SAMMSON: variants seen among roughly 807,000 people sequenced by gnomAD.
SAMMSON encodes the protein long intergenic non-protein coding RNA 1212.
intron 6 of SAMMSON, among the ~76,000 whole-genome samples, chr3:70,285,774 A>C (rs953750979): frequency 3.9e-5 from 6 of 151,976 alleles, no homozygotes; most frequent in African/African-American, 1.5e-4. Context: ...ATGGTATCTC[A>C]TTGTGGTTTT....
At chr3:70,292,264 A>G (rs982827826) in intron 7 of SAMMSON, among the ~76,000 whole-genome samples, 2 of 152,132 alleles carry the variant, frequency 1.3e-5, no homozygotes, top group Non-Finnish European at 2.9e-5. Flanking sequence ...ATTTTTACTC[A>G]TTGATAACAA....
intron 4 of SAMMSON, among the ~76,000 whole-genome samples, chr3:70,111,671 A>T (rs2067390020): frequency 6.6e-6 from 1 of 152,218 alleles, no homozygotes; most frequent in Non-Finnish European, 1.5e-5. Context: ...GATATTACAT[A>T]AGTAGGTTTA....
chr3:70,064,008 A>G (rs2067200508), intron 3 of SAMMSON, among the ~76,000 whole-genome samples: 1 of 152,138 alleles, frequency 6.6e-6, no homozygotes, highest in Non-Finnish European at 1.5e-5. Flanking sequence ...TGTCTGGGCT[A>G]TTCAGAATAC....
chr3:70,427,013 A>G (rs1287640442), intron 2 of SAMMSON, among the ~76,000 whole-genome samples: 2 of 152,234 alleles, frequency 1.3e-5, no homozygotes, highest in African/African-American at 4.8e-5. Context: ...CAATAAAGAT[A>G]TTGATAGTTT....
intron 4 of SAMMSON, among the ~76,000 whole-genome samples, chr3:70,077,462 A>C (rs1392979331): frequency 6.6e-6 from 1 of 152,174 alleles, no homozygotes. Context: ...TTCCTTGGGA[A>C]TAAAGAGGAG....
chr3:70,104,334 T>C (rs1265605046), intron 4 of SAMMSON, among the ~76,000 whole-genome samples: 1 of 152,044 alleles, frequency 6.6e-6, no homozygotes, highest in Non-Finnish European at 1.5e-5. Flanking sequence ...AATTTCCATA[T>C]CTGTAACATG....
chr3:70,433,425 C>G (rs1575648539), intron 2 of SAMMSON, among the ~76,000 whole-genome samples: 1 of 152,232 alleles, frequency 6.6e-6, no homozygotes, highest in Non-Finnish European at 1.5e-5. Flanking sequence ...AGTAATATTT[C>G]ATATGCTTTT....
At chr3:70,433,150 G>T (rs1045204188) in intron 2 of SAMMSON, among the ~76,000 whole-genome samples, 1 of 152,076 alleles carries the variant, frequency 6.6e-6, no homozygotes, top group African/African-American at 2.4e-5. Flanking sequence ...GTGGATATAA[G>T]TTTTCAACTC....
intron 4 of SAMMSON, among the ~76,000 whole-genome samples, chr3:70,208,710 C>T (rs1249808919): frequency 1.3e-5 from 2 of 152,032 alleles, no homozygotes; most frequent in South Asian, 2.1e-4. Flanking sequence ...TTTCAGAAAC[C>T]AATCTTAAGA....
At chr3:70,038,870 A>T (rs959485576) in intron 3 of SAMMSON, among the ~76,000 whole-genome samples, 3 of 152,114 alleles carry the variant, frequency 2.0e-5, no homozygotes, top group African/African-American at 7.2e-5. Flanking sequence ...TGAGGCAAAC[A>T]CAAATAGAGG....
intron 4 of SAMMSON, chr3:70,126,175 T>A: frequency 8.5e-7 from 1 of 1,174,078 alleles, no homozygotes. Flanking sequence ...AGTCAGCCCA[T>A]GGTTTGGTGT....
At chr3:70,060,413 G>A (rs1173450680) in intron 3 of SAMMSON, among the ~76,000 whole-genome samples, 1 of 152,084 alleles carries the variant, frequency 6.6e-6, no homozygotes, top group Non-Finnish European at 1.5e-5. Context: ...ATATGAAAAA[G>A]TCAAAAGATG....
chr3:70,415,283 A>G (rs1052902145), intron 2 of SAMMSON, among the ~76,000 whole-genome samples: 1 of 152,172 alleles, frequency 6.6e-6, no homozygotes, highest in Admixed American at 6.5e-5. Flanking sequence ...GCCCTTGGCA[A>G]TGGGTCTGCT....
At chr3:70,125,917 T>C in intron 4 of SAMMSON, 1 of 713,792 alleles carries the variant, frequency 1.4e-6, no homozygotes, top group Non-Finnish European at 2.5e-6. Context: ...CTCATCGTCT[T>C]CTGGCCAAGG....
At chr3:70,349,268 G>A (rs1702774285) in intron 7 of SAMMSON, among the ~76,000 whole-genome samples, 2 of 152,146 alleles carry the variant, frequency 1.3e-5, no homozygotes, top group Admixed American at 1.3e-4. Context: ...CAGCTACTCG[G>A]GAGGCTGGGG....
chr3:70,007,390 G>C (rs2066932025), intron 1 of SAMMSON, among the ~76,000 whole-genome samples: 1 of 152,148 alleles, frequency 6.6e-6, no homozygotes, highest in Non-Finnish European at 1.5e-5. Context: ...GCATTTCTCT[G>C]ATGGCCAGTG....
chr3:70,025,998 C>G (rs1485726812), intron 3 of SAMMSON, among the ~76,000 whole-genome samples: 1 of 151,922 alleles, frequency 6.6e-6, no homozygotes, highest in Non-Finnish European at 1.5e-5. Flanking sequence ...ATAATTGGAC[C>G]CATGCATTTC....
chr3:70,147,049 T>A (rs946437480), intron 4 of SAMMSON, among the ~76,000 whole-genome samples: 4 of 152,074 alleles, frequency 2.6e-5, no homozygotes, highest in African/African-American at 7.2e-5. Flanking sequence ...AACCAAAATT[T>A]AAAAAATTAC....
At position 70,408,208 on chromosome 3, in the gene SAMMSON, G is replaced by A. The variant is rs527805860; in HGVS notation, n.233+49884G>A. ...GGCCTGTGGGCCAGCGATGGGAGGC[G>A]CTGCCATGAAGACCTCTAACATGCC... On this transcript the variant is annotated intron_variant and non_coding_transcript_variant, in intron 2 of 3. Coordinates refer to the SAMMSON transcript ENST00000641053. 5.3e-5 allele frequency among the ~76,000 whole-genome samples: 8 copies of A among 152,326 alleles called. No homozygotes were observed. In the East Asian group the frequency reaches 7.7e-4, roughly 15 times the overall value.
Sources: gnomAD v4.1 joint callset for allele counts (sites outside exome capture counted in the v4.1 genomes callset) on GRCh38, gnomAD v4.1.1 for gene constraint, MANE v1.5 for transcripts, NCBI Gene and HGNC (gene_info 2026-07-23, HGNC 2026-07-21) for gene names.